The following CEP85L variants were observed in gnomAD, a reference collection of about 807,000 sequenced individuals.
CEP85L encodes centrosomal protein 85L.
In CEP85L, 60 loss-of-function variants were observed where a neutral mutation model predicts 100.3. The ratio of observed to expected loss-of-function variants is 0.60; its 90% CI spans 0.49 to 0.74. The LOEUF is 0.74. Ranked by LOEUF, CEP85L falls within the 30% of genes least tolerant of loss-of-function variation. The pLI is 0.00. For synonymous variants in CEP85L, 319 were observed against 322.7 expected, an observed-to-expected ratio of 0.99 and a Z score of 0.12; for missense variants, 973 against 936.2, an observed-to-expected ratio of 1.04 and a Z score of -0.51.
intron 3 of CEP85L, among the ~76,000 whole-genome samples, chr6:118,530,788 C>A (rs1352216758): frequency 6.6e-6 from 1 of 150,974 alleles, no homozygotes; most frequent in Non-Finnish European, 1.5e-5. Context: ...CCTAAGAATA[C>A]AACTAACTAG....
intron 3 of CEP85L, chr6:118,559,655 T>A (rs998258223): frequency 1.8e-5 from 3 of 169,204 alleles, no homozygotes; most frequent in African/African-American, 7.2e-5. Flanking sequence ...TTGTATTTTT[T>A]CTATGCCACA....
At chr6:118,513,274 G>A (rs1166929986) in intron 4 of CEP85L, among the ~76,000 whole-genome samples, 1 of 151,978 alleles carries the variant, frequency 6.6e-6, no homozygotes, top group Non-Finnish European at 1.5e-5. Flanking sequence ...GGTGGGAGTA[G>A]GGGACAGAAA....
intron 5 of CEP85L, among the ~76,000 whole-genome samples, chr6:118,498,770 G>A (rs1305625689): frequency 6.6e-6 from 1 of 152,164 alleles, no homozygotes; most frequent in African/African-American, 2.4e-5. Flanking sequence ...TCAATTAACT[G>A]TAACTGACAT....
At chr6:118,499,107 G>A (rs191459396) in intron 5 of CEP85L, among the ~76,000 whole-genome samples, 19 of 152,164 alleles carry the variant, frequency 1.2e-4, no homozygotes, top group Non-Finnish European at 2.5e-4. Flanking sequence ...AGTGAAAGCA[G>A]TACTTAGAAA....
At chr6:118,537,657 C>A (rs1165833100) in intron 3 of CEP85L, 2 of 985,228 alleles carry the variant, frequency 2.0e-6, no homozygotes, top group African/African-American at 3.5e-5. Context: ...CACTTAATGG[C>A]CAAACATGCT....
At chr6:118,605,183 G>A (rs1001955389) in intron 2 of CEP85L, among the ~76,000 whole-genome samples, 7 of 152,130 alleles carry the variant, frequency 4.6e-5, no homozygotes, top group African/African-American at 1.4e-4. Flanking sequence ...AATTAAGGGT[G>A]CCATTTTATG....
At chr6:118,513,568 A>G (rs1037490690) in intron 4 of CEP85L, among the ~76,000 whole-genome samples, 1 of 152,180 alleles carries the variant, frequency 6.6e-6, no homozygotes, top group African/African-American at 2.4e-5. Context: ...AAAATTTAAA[A>G]GCTCTCAACC....
chr6:118,564,501 A>C (rs1373304859), intron 3 of CEP85L, among the ~76,000 whole-genome samples: 4 of 152,242 alleles, frequency 2.6e-5, no homozygotes, highest in Non-Finnish European at 5.9e-5. Flanking sequence ...CATAATCAAA[A>C]TTATAAGAAC....
At chr6:118,684,033 A>G (rs1242344695) in intron 1 of CEP85L, among the ~76,000 whole-genome samples, 1 of 152,232 alleles carries the variant, frequency 6.6e-6, no homozygotes, top group Non-Finnish European at 1.5e-5. Flanking sequence ...GTTTTCCCCA[A>G]TGATTTCATA....
chr6:118,482,228 T>C (rs1773844516), intron 7 of CEP85L, among the ~76,000 whole-genome samples: 1 of 152,142 alleles, frequency 6.6e-6, no homozygotes, highest in African/African-American at 2.4e-5. Context: ...AATATATAAC[T>C]CTATACTGTC....
chr6:118,465,032 GCA>G lies in CEP85L; in HGVS notation c.*371_*372del, dbSNP rs201194991. 59 of 161,402 alleles carry G rather than the reference GCA, an allele frequency of 3.7e-4. No homozygotes were observed. Among genetic ancestry groups the G allele is most frequent in the East Asian group, 1.3e-3 (7 of 5,522 alleles). The allele number at this position is 161,402 out of a possible 1,614,324, so 10.0% of individuals were successfully genotyped here. On this transcript the variant is annotated 3_prime_UTR_variant, in exon 13 of 13. Transcript: ENST00000368491. ...TTATAAATTTGTGAATAAAGCACGT[GCA>G]CACACACACAACAACACACATACAT...
chr6:118,533,765 G>A (rs772436729), intron 3 of CEP85L, among the ~76,000 whole-genome samples: 5 of 152,114 alleles, frequency 3.3e-5, no homozygotes, highest in Non-Finnish European at 7.4e-5. Context: ...TTTGGCATAC[G>A]GTTTTCCCAG....
At chr6:118,607,217 A>G (rs1389580895) in intron 2 of CEP85L, among the ~76,000 whole-genome samples, 1 of 152,194 alleles carries the variant, frequency 6.6e-6, no homozygotes, top group Non-Finnish European at 1.5e-5. Flanking sequence ...CTCCGACTTA[A>G]GAGTTTCAAC....
At chr6:118,651,626 TG>T, upstream of CEP85L, 1 of 965,886 alleles carries the variant, frequency 1.0e-6, no homozygotes, top group African/African-American at 2.1e-5. Flanking sequence ...GAGCCGGGGC[TG>T]GGGCCGCGAG....
At chr6:118,563,828 G>A (rs1779355392) in intron 3 of CEP85L, among the ~76,000 whole-genome samples, 1 of 152,134 alleles carries the variant, frequency 6.6e-6, no homozygotes, top group African/African-American at 2.4e-5. Flanking sequence ...ACTACTTGGA[G>A]GCTCCAAGAA....
Position 118,464,467 on chromosome 6 carries a change from T to G in CEP85L, c.*938A>C, listed in dbSNP as rs902941723. On this transcript the variant is annotated 3_prime_UTR_variant, in exon 13 of 13. Transcript: ENST00000368491. ...TTCAACTTTGAAACATACAAAACTG[T>G]TAAAATGTAAATGTTGAGATTTGGA... The G allele has an allele frequency of 6.6e-5, 10 of 152,246 alleles. No homozygotes were observed. The highest frequency in any genetic ancestry group is 2.4e-4 in the African/African-American group (10 of 41,568). 9.4% of individuals were successfully genotyped at this position (152,246 alleles called of 1,614,324 possible).
At chr6:118,487,331 T>C (rs1774255616) in intron 6 of CEP85L, among the ~76,000 whole-genome samples, 3 of 152,290 alleles carry the variant, frequency 2.0e-5, no homozygotes, top group Non-Finnish European at 4.4e-5. Context: ...GCAATGTGTC[T>C]CAGGCCATGG....
At chr6:118,585,595 G>A (rs1038005151) in intron 2 of CEP85L, among the ~76,000 whole-genome samples, 22 of 152,168 alleles carry the variant, frequency 1.4e-4, no homozygotes, top group African/African-American at 5.3e-4. Flanking sequence ...CCCTCAGGAT[G>A]GCTACAGTCA....
chr6:118,612,990 G>A (rs571825549), intron 2 of CEP85L, among the ~76,000 whole-genome samples: 57 of 151,950 alleles, frequency 3.8e-4, no homozygotes, highest in Middle Eastern at 3.4e-3. Context: ...AGGTCGAGGC[G>A]GGCGGATCGC....
Sources: gnomAD v4.1 joint callset for allele counts (sites outside exome capture counted in the v4.1 genomes callset) on GRCh38, gnomAD v4.1.1 for gene constraint, MANE v1.5 for transcripts, NCBI Gene and HGNC (gene_info 2026-07-23, HGNC 2026-07-21) for gene names.